Variants in PPA2 observed in about 807,000 individuals in gnomAD.
PPA2 encodes the protein inorganic pyrophosphatase 2, mitochondrial.
PPA2 carries 48 observed loss-of-function variants against 49.5 expected under a neutral mutation model. The observed-to-expected ratio is 0.97, with a 90% confidence interval of 0.77 to 1.23. The LOEUF is 1.23. Among genes scored for constraint, PPA2 ranks in the 50% most tolerant of loss-of-function variants. The pLI is 0.00. For synonymous variants in PPA2, 131 were observed against 139.9 expected (o/e 0.94, Z 0.45); for missense variants, 429 against 410.1 (o/e 1.05, Z -0.40).
intron 7 of PPA2, among the ~76,000 whole-genome samples, chr4:105,420,738 G>C (rs1311776245): frequency 3.3e-5 from 5 of 152,072 alleles, no homozygotes; most frequent in Non-Finnish European, 7.4e-5. Flanking sequence ...ACAATGAAAA[G>C]GGAAAACTAA....
intron 1 of PPA2, 161 bp downstream of exon 1, chr4:105,473,733 C>T: frequency 1.8e-6 from 2 of 1,094,350 alleles, no homozygotes; most frequent in Non-Finnish European, 2.8e-6. Context: ...ACTCGGTGCG[C>T]GCTCCCGCGG....
intron 5 of PPA2, among the ~76,000 whole-genome samples, chr4:105,441,727 T>C (rs181574440): frequency 1.6e-4 from 24 of 152,250 alleles, no homozygotes; most frequent in African/African-American, 5.8e-4. Context: ...AAGATGATTA[T>C]AAAGCTATAA....
chr4:105,392,778 G>A (rs1365417117), intron 9 of PPA2, among the ~76,000 whole-genome samples: 1 of 151,998 alleles, frequency 6.6e-6, no homozygotes, highest in East Asian at 1.9e-4. Flanking sequence ...GGAATATAAA[G>A]ATGAATAAGG....
chr4:105,411,235 CA>C (rs1005633152), intron 7 of PPA2, among the ~76,000 whole-genome samples: 1 of 150,568 alleles, frequency 6.6e-6, no homozygotes, highest in Non-Finnish European at 1.5e-5. Flanking sequence ...AAATGGAAAG[CA>C]AAAAAAAGCA....
intron 5 of PPA2, among the ~76,000 whole-genome samples, chr4:105,443,296 T>C (rs1425019118): frequency 6.6e-6 from 1 of 151,952 alleles, no homozygotes; most frequent in Non-Finnish European, 1.5e-5. Flanking sequence ...GCTTGAGACA[T>C]CAGTGTGCTT....
chr4:105,407,467 A>G (rs1165132735), intron 7 of PPA2, among the ~76,000 whole-genome samples: 1 of 152,172 alleles, frequency 6.6e-6, no homozygotes. Context: ...TTACCATCTT[A>G]CTCAGCAAAA....
At chr4:105,421,112 T>C (rs1326668790) in intron 7 of PPA2, among the ~76,000 whole-genome samples, 1 of 152,196 alleles carries the variant, frequency 6.6e-6, no homozygotes, top group Non-Finnish European at 1.5e-5. Context: ...TTAAGAGTTA[T>C]TGTTCAAAGT....
intron 6 of PPA2, 68 bp downstream of exon 6, chr4:105,437,882 A>T: frequency 1.6e-6 from 2 of 1,262,076 alleles, no homozygotes; most frequent in Admixed American, 2.4e-5. Context: ...ACTAGAGGCT[A>T]AAATGAAATT....
At chr4:105,417,071 G>A (rs902733560) in intron 7 of PPA2, among the ~76,000 whole-genome samples, 20 of 152,156 alleles carry the variant, frequency 1.3e-4, no homozygotes, top group African/African-American at 4.3e-4. Flanking sequence ...CCATACAGCT[G>A]CCTTGTATAT....
chr4:105,417,419 T>G (rs553282298), intron 7 of PPA2, among the ~76,000 whole-genome samples: 1 of 152,156 alleles, frequency 6.6e-6, no homozygotes, highest in Admixed American at 6.5e-5. Flanking sequence ...GAAGATCCAC[T>G]CTACAATTTT....
At chr4:105,464,245 T>C (rs1215244673) in intron 1 of PPA2, among the ~76,000 whole-genome samples, 2 of 152,234 alleles carry the variant, frequency 1.3e-5, no homozygotes, top group Non-Finnish European at 2.9e-5. Flanking sequence ...GGAGCTTTAA[T>C]ATTTGACTGC....
intron 6 of PPA2, among the ~76,000 whole-genome samples, chr4:105,429,091 C>A (rs1723675410): frequency 6.6e-6 from 1 of 152,168 alleles, no homozygotes; most frequent in Non-Finnish European, 1.5e-5. Flanking sequence ...TCTAAATCTA[C>A]AAAGGGGATC....
chr4:105,452,555 C>T (rs1722716955), intron 3 of PPA2, among the ~76,000 whole-genome samples: 1 of 152,174 alleles, frequency 6.6e-6, no homozygotes, highest in Non-Finnish European at 1.5e-5. Context: ...GTTCAAGAAT[C>T]ACACCAGCTT....
At chr4:105,422,636 T>C (rs1213725020) in intron 7 of PPA2, among the ~76,000 whole-genome samples, 1 of 152,120 alleles carries the variant, frequency 6.6e-6, no homozygotes, top group Non-Finnish European at 1.5e-5. Flanking sequence ...ACTGAGCAAT[T>C]CACACATTAG....
intron 7 of PPA2, among the ~76,000 whole-genome samples, chr4:105,414,935 C>G (rs1722936826): frequency 6.6e-6 from 1 of 152,148 alleles, no homozygotes; most frequent in Non-Finnish European, 1.5e-5. Flanking sequence ...GTAGGTCATC[C>G]CATTGAGCCT....
chr4:105,468,519 G>C (rs1046774256), intron 1 of PPA2, among the ~76,000 whole-genome samples: 10 of 152,224 alleles, frequency 6.6e-5, no homozygotes, highest in Admixed American at 2.0e-4. Flanking sequence ...GCAGCATGGA[G>C]GTGACAGGTA....
In PPA2 at chr4:105,370,822, CA is replaced by C; in HGVS notation, c.976+14del. The C allele has an allele frequency of 7.1e-7, 1 of 1,415,272 alleles. No homozygotes were observed. The highest frequency in any genetic ancestry group is 2.8e-5 in the Admixed American group (1 of 36,300). The allele number at this position is 1,415,272 out of a possible 1,614,324, so 87.7% of individuals were successfully genotyped here. On this transcript the variant is annotated intron_variant, in intron 11 of 11. Transcript: ENST00000341695. ...TTTATACATGTTACTCTTAATGAATCAAAATATACTATACCTTCTTCATTAC... is the reference window on the plus strand; with the variant it reads ...TTTATACATGTTACTCTTAATGAATCAAATATACTATACCTTCTTCATTAC...
chr4:105,385,501 G>C (rs1010486927), intron 10 of PPA2, among the ~76,000 whole-genome samples: 5 of 151,800 alleles, frequency 3.3e-5, no homozygotes, highest in African/African-American at 1.2e-4. Flanking sequence ...TAACATTTAG[G>C]AACATTTTAG....
intron 1 of PPA2, among the ~76,000 whole-genome samples, chr4:105,472,475 T>C (rs1723562994): frequency 6.6e-6 from 1 of 152,242 alleles, no homozygotes; most frequent in Non-Finnish European, 1.5e-5. Context: ...AAATCTAGAA[T>C]ACTTGCAGTA....
Sources: allele counts gnomAD v4.1 joint callset (sites outside exome capture counted in the v4.1 genomes callset), GRCh38; gene constraint gnomAD v4.1.1; transcripts MANE v1.5; gene names NCBI Gene and HGNC (gene_info 2026-07-23, HGNC 2026-07-21).